Variants in MAMLD1 observed in about 807,000 individuals in gnomAD.
The protein encoded by MAMLD1 is mastermind-like domain-containing protein 1.
A neutral mutation model predicts 45.0 loss-of-function variants in MAMLD1; 14 were observed. That is an observed-to-expected ratio of 0.31 (90% confidence interval 0.21 to 0.49). The LOEUF (loss-of-function observed/expected upper bound fraction) is 0.49, where lower values mean the gene tolerates loss of function less well. Ranked by LOEUF, MAMLD1 falls within the 20% of genes least tolerant of loss-of-function variation. The probability of loss-of-function intolerance (pLI) is 0.99; values close to 1 mark genes in which losing one functional copy is unlikely to be tolerated. For missense variants in MAMLD1, 543 were observed against 603.6 expected (o/e 0.90, Z 1.05); for synonymous variants, 254 against 247.8 (o/e 1.02, Z -0.24).
At chrX:150,373,787 G>A (rs2032163744) in intron 1 of MAMLD1, among the ~76,000 whole-genome samples, 1 of 111,798 alleles carries the variant, frequency 8.9e-6, no homozygotes, top group African/African-American at 3.3e-5. Context: ...CCCTTCCTCT[G>A]GAGAATCTGG....
intron 1 of MAMLD1, among the ~76,000 whole-genome samples, chrX:150,384,007 T>C (rs1191136235): frequency 8.9e-6 from 1 of 111,984 alleles, no homozygotes; most frequent in Non-Finnish European, 1.9e-5. Flanking sequence ...TGTTTCTCCA[T>C]TCATCAGTTG....
intron 5 of MAMLD1, among the ~76,000 whole-genome samples, chrX:150,498,823 T>C (rs1269187162): frequency 8.9e-6 from 1 of 112,500 alleles, no homozygotes; most frequent in Non-Finnish European, 1.9e-5. Context: ...ATACTTATGA[T>C]ATATTGAAAT....
intron 1 of MAMLD1, among the ~76,000 whole-genome samples, chrX:150,382,901 A>ATTTTTTTT (rs1477501446): frequency 2.5e-5 from 1 of 40,136 alleles, no homozygotes; most frequent in Non-Finnish European, 3.9e-5. Flanking sequence ...TTTTTTTTTT[A>ATTTTTTTT]TTTTTTATTT....
Position 150,448,226 on chromosome X carries a change from C to G in MAMLD1, c.96+2614C>G, listed in dbSNP as rs190584980. On this transcript the variant is annotated intron_variant, in intron 2 of 7. Transcript: ENST00000370401. The stretch of plus-strand genomic sequence containing the variant: ...TCCCTGAGAACAAAGTTCAAATGAA[C>G]GAAAAGTAAGAATAACCACCTTTAA... 5.3e-3 allele frequency among the ~76,000 whole-genome samples: 589 copies of G among 111,825 alleles called. 3 individuals are homozygous for G. Among genetic ancestry groups the G allele is most frequent in the Non-Finnish European group, 8.8e-3 (467 of 53,151 alleles).
chrX:150,396,149 A>ATTTTTTTTTTTTT (rs151164752), intron 1 of MAMLD1, among the ~76,000 whole-genome samples: 1 of 39,257 alleles, frequency 2.5e-5, no homozygotes. Context: ...TACCTGGCTA[A>ATTTTTTTTTTTTT]TTTTTTTTTT....
intron 1 of MAMLD1, among the ~76,000 whole-genome samples, chrX:150,400,058 C>T (rs781875804): frequency 1.4e-4 from 16 of 111,660 alleles, no homozygotes; most frequent in Non-Finnish European, 2.6e-4. Context: ...AGAAACAAGA[C>T]GGTGGCCTAA....
intron 6 of MAMLD1, chrX:150,504,218 G>A (rs2037656226): frequency 1.2e-5 from 9 of 751,203 alleles, no homozygotes; most frequent in Admixed American, 8.8e-5. Flanking sequence ...GAGAGCAAGC[G>A]GATGGACACC....
intron 1 of MAMLD1, among the ~76,000 whole-genome samples, chrX:150,389,438 G>A (rs2033080236): frequency 8.9e-6 from 1 of 111,902 alleles, no homozygotes; most frequent in Non-Finnish European, 1.9e-5. Flanking sequence ...AGTATTTGGC[G>A]ATTTTCTTGA....
intron 3 of MAMLD1, among the ~76,000 whole-genome samples, chrX:150,464,620 C>T (rs1325190170): frequency 8.9e-5 from 10 of 112,064 alleles, no homozygotes; most frequent in Non-Finnish European, 7.5e-5. Flanking sequence ...CTCCTCCTCG[C>T]TCTCACTCTC....
chrX:150,488,443 C>T (rs1457520266), intron 5 of MAMLD1, among the ~76,000 whole-genome samples: 2 of 112,741 alleles, frequency 1.8e-5, no homozygotes, highest in Non-Finnish European at 3.7e-5. Flanking sequence ...CTGCAGGCAG[C>T]TTCAAATGTG....
At chrX:150,364,526 G>A (rs1275938487) in intron 1 of MAMLD1, among the ~76,000 whole-genome samples, 1 of 112,558 alleles carries the variant, frequency 8.9e-6, no homozygotes, top group Non-Finnish European at 1.9e-5. Flanking sequence ...CACCCGGAGT[G>A]TGGGTGTGTG....
At chrX:150,468,109 T>C (rs2036281741) in intron 3 of MAMLD1, among the ~76,000 whole-genome samples, 1 of 111,943 alleles carries the variant, frequency 8.9e-6, no homozygotes, top group Admixed American at 9.4e-5. Flanking sequence ...ATGGAGCTGT[T>C]GGAAAAACTC....
chrX:150,461,250 G>A lies in MAMLD1; in HGVS notation c.97-1522G>A, dbSNP rs979000022. Among the ~76,000 whole-genome samples, 9 of 113,020 alleles carry A rather than the reference G, an allele frequency of 8.0e-5. No individual in the cohort carries two copies. The South Asian group carries it at 2.9e-3, about 36-fold the overall frequency. On this transcript the variant is annotated intron_variant, in intron 2 of 7. Transcript: ENST00000370401. The stretch of plus-strand genomic sequence containing the variant: ...TGGTCCTTCTGTGCATGGGCTGTAG[G>A]TGGAGGTGTGGAAAGCTGAAGACAG...
chrX:150,422,032 G>A (rs1378540999), intron 1 of MAMLD1, among the ~76,000 whole-genome samples: 2 of 112,201 alleles, frequency 1.8e-5, no homozygotes, highest in Non-Finnish European at 3.8e-5. Flanking sequence ...GGCAAGCCTC[G>A]TAGAGTCCTC....
At position 150,375,039 on chromosome X, in the gene MAMLD1, G is replaced by T. The variant is rs782636817; in HGVS notation, c.-64+11509G>T. Among the ~76,000 whole-genome samples, 82 of 110,433 alleles carry T rather than the reference G, an allele frequency of 7.4e-4. No individual in the cohort carries two copies. In the Middle Eastern group the frequency reaches 0.014, roughly 19 times the overall value. On this transcript the variant is annotated intron_variant, in intron 1 of 7. Coordinates refer to ENST00000370401, the MANE Select transcript of MAMLD1 (RefSeq NM_005491.5). ...CAGGTTGGGCCTGCTGGTGTGTGGG[G>T]GGTCTGCTTAGGAGGGAAGAGGATG...
intron 2 of MAMLD1, among the ~76,000 whole-genome samples, chrX:150,452,752 C>G (rs181666761): frequency 5.2e-4 from 39 of 74,425 alleles, no homozygotes; most frequent in South Asian, 1.2e-3. Flanking sequence ...TCCCTCCCCC[C>G]TCCCCCCACC....
chrX:150,368,127 A>G (rs1251192247), intron 1 of MAMLD1, among the ~76,000 whole-genome samples: 8 of 111,941 alleles, frequency 7.1e-5, no homozygotes, highest in African/African-American at 1.3e-4. Context: ...TCCTTGAGGA[A>G]TTGCCACACT....
chrX:150,394,826 CTGT>C (rs2033352158), intron 1 of MAMLD1, among the ~76,000 whole-genome samples: 1 of 111,204 alleles, frequency 9.0e-6, no homozygotes, highest in Non-Finnish European at 1.9e-5. Flanking sequence ...GGTTTTGTTG[CTGT>C]TGTTGTTGAT....
chrX:150,460,354 C>T (rs1250344868), intron 2 of MAMLD1, among the ~76,000 whole-genome samples: 1 of 112,443 alleles, frequency 8.9e-6, no homozygotes, highest in Non-Finnish European at 1.9e-5. Context: ...ACAAGGGCAC[C>T]TGGGTCATCC....
Sources: allele counts gnomAD v4.1 joint callset (sites outside exome capture counted in the v4.1 genomes callset), GRCh38; gene constraint gnomAD v4.1.1; transcripts MANE v1.5; gene names NCBI Gene and HGNC (gene_info 2026-07-23, HGNC 2026-07-21).